Variants in GLT8D2 observed in about 807,000 individuals in gnomAD.
The protein encoded by GLT8D2 is glycosyltransferase 8 domain containing 2, also known as glycosyltransferase 8 domain-containing protein 2.
In GLT8D2, 45 loss-of-function variants were observed where a neutral mutation model predicts 44.5. The ratio of observed to expected loss-of-function variants is 1.01; its 90% CI spans 0.80 to 1.30. The LOEUF is 1.30. GLT8D2 is among the 50% of genes most tolerant of loss of function. GLT8D2 has a pLI of 0.00. For missense variants in GLT8D2, 400 were observed against 430.4 expected (o/e 0.93, Z 0.62); for synonymous variants, 156 against 157.2 (o/e 0.99, Z 0.06).
chr12:104,008,765 C>A (rs1163796885), intron 4 of GLT8D2, among the ~76,000 whole-genome samples: 1 of 152,212 alleles, frequency 6.6e-6, no homozygotes, highest in African/African-American at 2.4e-5. Context: ...CTGCATGCAG[C>A]CTAGGGACGT....
At chr12:104,059,612 T>C (rs930552897) in intron 1 of GLT8D2, among the ~76,000 whole-genome samples, 3 of 152,214 alleles carry the variant, frequency 2.0e-5, no homozygotes, top group Non-Finnish European at 2.9e-5. Context: ...TTTAGAATGG[T>C]CATGTGCCCA....
chr12:104,060,664 T>C (rs1383025889), intron 1 of GLT8D2, among the ~76,000 whole-genome samples: 1 of 152,160 alleles, frequency 6.6e-6, no homozygotes, highest in African/African-American at 2.4e-5. Flanking sequence ...GGCTCACATC[T>C]GTAATCCCAG....
chr12:104,062,079 T>C (rs545673036), intron 1 of GLT8D2, among the ~76,000 whole-genome samples: 1 of 152,030 alleles, frequency 6.6e-6, no homozygotes, highest in South Asian at 2.1e-4. Context: ...TTTTGTTTGT[T>C]TGTTTGTTTT....
chr12:104,017,807 C>T (rs1877084440), intron 3 of GLT8D2, among the ~76,000 whole-genome samples: 1 of 151,972 alleles, frequency 6.6e-6, no homozygotes, highest in South Asian at 2.1e-4. Flanking sequence ...GCTGTATGGC[C>T]GAGGGGTATC....
chr12:104,019,383 C>T (rs1199254480), intron 3 of GLT8D2, among the ~76,000 whole-genome samples: 1 of 152,112 alleles, frequency 6.6e-6, no homozygotes, highest in Non-Finnish European at 1.5e-5. Flanking sequence ...CCACCTCAGC[C>T]TCCCAAAGTG....
chr12:104,016,012 C>T (rs146871508), intron 3 of GLT8D2, among the ~76,000 whole-genome samples: 2 of 152,272 alleles, frequency 1.3e-5, no homozygotes, highest in East Asian at 1.9e-4. Context: ...AAAACAAAAA[C>T]GTATCATCTG....
At chr12:104,051,430 T>C (rs1881717143), upstream of GLT8D2, among the ~76,000 whole-genome samples, 1 of 152,254 alleles carries the variant, frequency 6.6e-6, no homozygotes, top group Admixed American at 6.5e-5. Flanking sequence ...GAAGATGTTT[T>C]ATGTTCTTTG....
At chr12:104,055,909 C>A (rs1179356640) in intron 1 of GLT8D2, among the ~76,000 whole-genome samples, 1 of 152,172 alleles carries the variant, frequency 6.6e-6, no homozygotes, top group African/African-American at 2.4e-5. Flanking sequence ...ACCATAGCAG[C>A]CTCAATTCCC....
intron 1 of GLT8D2, among the ~76,000 whole-genome samples, chr12:104,047,390 C>T (rs1174710197): frequency 1.3e-5 from 2 of 151,072 alleles, no homozygotes; most frequent in Non-Finnish European, 2.9e-5. Context: ...CCACAACCTC[C>T]ACCTCCTGGG....
chr12:104,022,002 GAAGAAGAAGAAGAAGAAGAAA>G (rs1320800800), intron 1 of GLT8D2, among the ~76,000 whole-genome samples: 1,752 of 68,942 alleles, frequency 0.025, 301 homozygotes, highest in East Asian at 0.037. Context: ...AGAAGAAGAA[GAAGAAGAAGAAGAAGAAGAAA>G]AAGAAGAAGA....
At chr12:104,049,598 A>T (rs984736306) in intron 1 of GLT8D2, 1 of 152,198 alleles carries the variant, frequency 6.6e-6, no homozygotes, top group Admixed American at 6.5e-5. Flanking sequence ...TATGTTTAAA[A>T]TCTGATACAA....
intron 5 of GLT8D2, among the ~76,000 whole-genome samples, chr12:104,002,658 TA>T (rs1874374125): frequency 6.6e-6 from 1 of 152,014 alleles, no homozygotes; most frequent in African/African-American, 2.4e-5. Flanking sequence ...TATAAGAAAG[TA>T]GAGGCCAGGT....
intron 8 of GLT8D2, among the ~76,000 whole-genome samples, chr12:103,995,227 C>G (rs1873261814): frequency 6.6e-6 from 1 of 152,200 alleles, no homozygotes; most frequent in Non-Finnish European, 1.5e-5. Flanking sequence ...CTCATCTCCT[C>G]TAAGCTCCTC....
At chr12:103,991,823 T>TAAAAAAAAAAAAAAAA (rs11340919) in intron 10 of GLT8D2, among the ~76,000 whole-genome samples, 1 of 123,202 alleles carries the variant, frequency 8.1e-6, no homozygotes, top group Non-Finnish European at 1.6e-5. Flanking sequence ...TTACGTCCTT[T>TAAAAAAAAAAAAAAAA]AAAAAAAAAA....
At chr12:104,038,126 G>A (rs1341432127) in intron 1 of GLT8D2, among the ~76,000 whole-genome samples, 1 of 152,062 alleles carries the variant, frequency 6.6e-6, no homozygotes, top group Non-Finnish European at 1.5e-5. Flanking sequence ...AATAAACTAG[G>A]TACTGATGGA....
At chr12:104,054,603 A>G (rs1331207046), upstream of GLT8D2, among the ~76,000 whole-genome samples, 1 of 151,870 alleles carries the variant, frequency 6.6e-6, no homozygotes, top group Admixed American at 6.5e-5. Context: ...CTCCCTTCTA[A>G]TAGAAACACG....
intron 3 of GLT8D2, 38 bp from the exon 4 acceptor site, chr12:104,015,143 T>C (rs1457656297): frequency 4.6e-6 from 7 of 1,509,674 alleles, no homozygotes; most frequent in African/African-American, 1.4e-5. Context: ...ATTGAACCTA[T>C]GAACCTGAAA....
chr12:104,043,770 A>C (rs1424619129), intron 1 of GLT8D2, among the ~76,000 whole-genome samples: 1 of 151,844 alleles, frequency 6.6e-6, no homozygotes, highest in Non-Finnish European at 1.5e-5. Context: ...CCCGGCTGTG[A>C]CTCCGTTTTT....
chr12:103,996,842 T>A lies in GLT8D2; in HGVS notation c.493A>T (p.Ile165Phe), dbSNP rs893901658. 6.2e-7 allele frequency: 1 copy of A among 1,610,016 alleles called. No homozygotes were observed. The highest frequency in any genetic ancestry group is 1.3e-5 in the African/African-American group (1 of 74,794). The change falls in exon 8 of 11, where the codon ATC becomes TTC. Residue 165 changes from isoleucine (I) to phenylalanine (F), a missense_variant. By Grantham distance (21) the Ile-to-Phe change is conservative (BLOSUM62 0). Transcript: ENST00000360814. ...AAGGTGGTGTCATACAGTTCTTGGA[T>A]ATCACCTGAATTTAGAAACACCACC... ...LDDDVIVQGDIQELYDTTLAL... is the reference protein window; with the variant it reads ...LDDDVIVQGDFQELYDTTLAL...
Sources: allele counts gnomAD v4.1 joint callset (sites outside exome capture counted in the v4.1 genomes callset), GRCh38; gene constraint gnomAD v4.1.1; transcripts MANE v1.5; gene names NCBI Gene and HGNC (gene_info 2026-07-23, HGNC 2026-07-21).